The following SLC24A3 variants were observed in gnomAD, a reference collection of about 807,000 sequenced individuals.
SLC24A3 encodes solute carrier family 24 member 3.
A neutral mutation model predicts 75.8 loss-of-function variants in SLC24A3; 28 were observed. The ratio of observed to expected loss-of-function variants is 0.37; its 90% confidence interval spans 0.27 to 0.51. SLC24A3 has a LOEUF of 0.51. Among genes scored for constraint, SLC24A3 ranks in the 20% least tolerant of loss-of-function variants. SLC24A3 has a pLI of 0.94. For synonymous variants in SLC24A3, 372 were observed against 334.1 expected, an observed-to-expected ratio of 1.11 and a Z score of -1.24; for missense variants, 663 against 847.8, an observed-to-expected ratio of 0.78 and a Z score of 2.71.
At chr20:19,711,325 A>T (rs1298641606) in intron 15 of SLC24A3, among the ~76,000 whole-genome samples, 2 of 151,318 alleles carry the variant, frequency 1.3e-5, no homozygotes, top group African/African-American at 2.4e-5. Flanking sequence ...ACGCACACAC[A>T]TGCATGCACA....
chr20:19,223,010 G>A (rs1981771731), intron 1 of SLC24A3, among the ~76,000 whole-genome samples: 1 of 151,990 alleles, frequency 6.6e-6, no homozygotes, highest in African/African-American at 2.4e-5. Context: ...GTAATACAGA[G>A]GGCCAGGCAC....
intron 2 of SLC24A3, among the ~76,000 whole-genome samples, chr20:19,383,318 A>G (rs1986216389): frequency 1.3e-5 from 2 of 152,200 alleles, no homozygotes; most frequent in South Asian, 4.1e-4. Context: ...TGAATGCAGA[A>G]GAATTGCCAG....
intron 3 of SLC24A3, among the ~76,000 whole-genome samples, chr20:19,541,522 T>A (rs1329358654): frequency 2.0e-5 from 3 of 152,124 alleles, no homozygotes; most frequent in African/African-American, 7.2e-5. Context: ...AGGGGATTGG[T>A]GTAGTCTAAG....
intron 2 of SLC24A3, among the ~76,000 whole-genome samples, chr20:19,316,383 C>T (rs1018650078): frequency 3.3e-5 from 5 of 152,166 alleles, no homozygotes; most frequent in South Asian, 2.1e-4. Context: ...AGGAAGGCAG[C>T]GTGTCCTGCA....
chr20:19,438,720 C>T (rs1022233419), intron 2 of SLC24A3, among the ~76,000 whole-genome samples: 39 of 152,218 alleles, frequency 2.6e-4, no homozygotes, highest in African/African-American at 9.4e-4. Flanking sequence ...CAGCAATCTG[C>T]TCATTGGCCT....
intron 6 of SLC24A3, among the ~76,000 whole-genome samples, chr20:19,643,579 A>G (rs139720023): frequency 2.6e-5 from 4 of 152,356 alleles, no homozygotes; most frequent in Non-Finnish European, 5.9e-5. Flanking sequence ...TCCTAACACC[A>G]TGAAAAATAT....
At chr20:19,263,379 C>T (rs1043100848) in intron 1 of SLC24A3, among the ~76,000 whole-genome samples, 2 of 152,028 alleles carry the variant, frequency 1.3e-5, no homozygotes, top group African/African-American at 4.8e-5. Flanking sequence ...CAAGGGGGGA[C>T]GTTATTGGAA....
At chr20:19,337,994 G>T (rs941295600) in intron 2 of SLC24A3, among the ~76,000 whole-genome samples, 3 of 152,062 alleles carry the variant, frequency 2.0e-5, no homozygotes, top group African/African-American at 7.2e-5. Flanking sequence ...CCATCTTCAG[G>T]GGATAGAGGC....
chr20:19,633,398 C>T (rs2031959583), intron 6 of SLC24A3, among the ~76,000 whole-genome samples: 1 of 152,000 alleles, frequency 6.6e-6, no homozygotes, highest in African/African-American at 2.4e-5. Flanking sequence ...GCCTGTAATC[C>T]CAGCACTTTG....
At chr20:19,510,258 T>A (rs922522617) in intron 2 of SLC24A3, among the ~76,000 whole-genome samples, 1 of 152,202 alleles carries the variant, frequency 6.6e-6, no homozygotes, top group East Asian at 1.9e-4. Flanking sequence ...TAAGAACATG[T>A]TACAACCCTA....
At chr20:19,313,108 C>A (rs1356706942) in intron 2 of SLC24A3, among the ~76,000 whole-genome samples, 1 of 137,556 alleles carries the variant, frequency 7.3e-6, no homozygotes, top group African/African-American at 2.7e-5. Flanking sequence ...AGGATCTCAG[C>A]TCACTGCAAA....
At chr20:19,693,547 C>T (rs1198280008) in intron 13 of SLC24A3, 122 bp downstream of exon 13, 7 of 1,257,734 alleles carry the variant, frequency 5.6e-6, no homozygotes, top group East Asian at 2.5e-5. Flanking sequence ...AGCTGCACAA[C>T]GAACCACTCC....
At chr20:19,649,236 G>A (rs1037754568) in intron 6 of SLC24A3, among the ~76,000 whole-genome samples, 3 of 152,210 alleles carry the variant, frequency 2.0e-5, no homozygotes, top group Non-Finnish European at 2.9e-5. Context: ...TGAGTCACAT[G>A]GTTTCCGGTC....
intron 6 of SLC24A3, among the ~76,000 whole-genome samples, chr20:19,593,911 T>C (rs2031416217): frequency 6.6e-6 from 1 of 152,132 alleles, no homozygotes; most frequent in Admixed American, 6.6e-5. Context: ...GCTGAGCTCG[T>C]TCTCCTGCTG....
chr20:19,451,008 A>AG (rs1170690545), intron 2 of SLC24A3, among the ~76,000 whole-genome samples: 1 of 152,168 alleles, frequency 6.6e-6, no homozygotes, highest in Non-Finnish European at 1.5e-5. Flanking sequence ...TCAAAAAAAA[A>AG]GGAAGAAAAC....
intron 2 of SLC24A3, among the ~76,000 whole-genome samples, chr20:19,477,587 C>T (rs1987982577): frequency 6.6e-6 from 1 of 152,162 alleles, no homozygotes; most frequent in South Asian, 2.1e-4. Context: ...AGTTCAGCAT[C>T]ACAGACACCA....
intron 1 of SLC24A3, among the ~76,000 whole-genome samples, chr20:19,224,115 TGTGTGA>T (rs1254265647): frequency 3.0e-5 from 3 of 98,484 alleles, no homozygotes; most frequent in African/African-American, 4.9e-5. Flanking sequence ...GTGGTGTGAG[TGTGTGA>T]GTGTGTGTGT....
intron 2 of SLC24A3, among the ~76,000 whole-genome samples, chr20:19,469,735 G>A (rs1286217402): frequency 6.6e-6 from 1 of 152,168 alleles, no homozygotes; most frequent in Non-Finnish European, 1.5e-5. Flanking sequence ...CTTCCATGAT[G>A]TTACATGTCT....
intron 1 of SLC24A3, among the ~76,000 whole-genome samples, chr20:19,258,872 G>C (rs1982900503): frequency 6.6e-6 from 1 of 152,134 alleles, no homozygotes; most frequent in Non-Finnish European, 1.5e-5. Context: ...TCAGGAATCA[G>C]AGTGGTTTGT....
Sources: gnomAD v4.1 joint callset for allele counts (sites outside exome capture counted in the v4.1 genomes callset) on GRCh38, gnomAD v4.1.1 for gene constraint, MANE v1.5 for transcripts, NCBI Gene and HGNC (gene_info 2026-07-23, HGNC 2026-07-21) for gene names.